NTNG1: variants seen among roughly 807,000 people sequenced by gnomAD.
The protein encoded by NTNG1 is netrin-G1.
In NTNG1, 16 loss-of-function variants were observed where a neutral mutation model predicts 54.0. The observed-to-expected ratio is 0.30, with a 90% CI of 0.20 to 0.45. NTNG1 has a LOEUF of 0.45. Among genes scored for constraint, NTNG1 ranks in the 20% least tolerant of loss-of-function variants. The pLI is 1.00. For synonymous variants in NTNG1, 255 were observed against 263.1 expected (o/e 0.97, Z 0.30); for missense variants, 530 against 678.7 (o/e 0.78, Z 2.43).
chr1:107,238,648 A>C lies in NTNG1; in HGVS notation c.247-85634A>C, dbSNP rs959321574. Among the ~76,000 whole-genome samples, 3 of 152,108 alleles carry C rather than the reference A, an allele frequency of 2.0e-5. No individual in the cohort carries two copies. The South Asian group carries it at 6.2e-4, about 32-fold the overall frequency. On this transcript the variant is annotated intron_variant, in intron 2 of 7. Transcript: ENST00000370068. ...TGTGAGCGTGAATGAGTCTCATGAA[A>C]TCTGATGGCTTTAAAAATGAGAGTT...
At chr1:107,202,652 T>C (rs562910610) in intron 2 of NTNG1, among the ~76,000 whole-genome samples, 1 of 152,100 alleles carries the variant, frequency 6.6e-6, no homozygotes, top group South Asian at 2.1e-4. Context: ...ACAATTATTT[T>C]TGTTTATTTT....
chr1:107,373,172 G>T (rs1000882433), intron 3 of NTNG1, among the ~76,000 whole-genome samples: 6 of 151,494 alleles, frequency 4.0e-5, no homozygotes, highest in African/African-American at 1.5e-4. Context: ...CTCTTTTTCT[G>T]CATTTGTTGG....
intron 2 of NTNG1, among the ~76,000 whole-genome samples, chr1:107,159,355 G>A (rs1355997669): frequency 1.3e-5 from 2 of 152,138 alleles, no homozygotes; most frequent in Non-Finnish European, 2.9e-5. Flanking sequence ...TGCCGAGCAT[G>A]GTGTGATGCA....
At chr1:107,437,663 TA>T (rs1252331101) in intron 7 of NTNG1, among the ~76,000 whole-genome samples, 1 of 152,134 alleles carries the variant, frequency 6.6e-6, no homozygotes, top group Non-Finnish European at 1.5e-5. Context: ...CTTTCCACAT[TA>T]AAAAAGTAAA....
At chr1:107,237,152 C>T (rs1661468232) in intron 2 of NTNG1, among the ~76,000 whole-genome samples, 1 of 152,060 alleles carries the variant, frequency 6.6e-6, no homozygotes, top group African/African-American at 2.4e-5. Flanking sequence ...CAGAGGTGGT[C>T]TTAGATGGAG....
At chr1:107,410,716 C>T (rs751628742) in intron 5 of NTNG1, 13 of 151,646 alleles carry the variant, frequency 8.6e-5, no homozygotes, top group African/African-American at 1.7e-4. Context: ...TTGTTGCTGC[C>T]GATAATCCAA....
chr1:107,286,726 C>T (rs1205991765), intron 2 of NTNG1, among the ~76,000 whole-genome samples: 1 of 152,070 alleles, frequency 6.6e-6, no homozygotes, highest in Non-Finnish European at 1.5e-5. Context: ...GCCTTTTATG[C>T]TATTTGTCTG....
chr1:107,202,811 T>A (rs779309528), intron 2 of NTNG1, among the ~76,000 whole-genome samples: 21 of 151,928 alleles, frequency 1.4e-4, no homozygotes, highest in Non-Finnish European at 3.1e-4. Flanking sequence ...TAGTCAGACC[T>A]CCTACTACCC....
Position 107,249,084 on chromosome 1 carries a change from G to A in NTNG1, c.247-75198G>A, listed in dbSNP as rs774379648. ...TGAGGCAGGAGAATCACTTGAACCC[G>A]GGAGGTGGGGGTTGCAGTAAGCCGA... On this transcript the variant is annotated intron_variant, in intron 2 of 7. Coordinates refer to ENST00000370068, the MANE Select transcript of NTNG1 (RefSeq NM_001113226.3). Among the ~76,000 whole-genome samples, 226 of 149,360 alleles carry A rather than the reference G, an allele frequency of 1.5e-3. 1 individual carries two copies. Among genetic ancestry groups the A allele is most frequent in the Middle Eastern group, 3.4e-3 (1 of 290 alleles).
intron 2 of NTNG1, among the ~76,000 whole-genome samples, chr1:107,181,645 TAAC>T (rs1297584053): frequency 2.0e-5 from 3 of 152,092 alleles, no homozygotes; most frequent in Non-Finnish European, 2.9e-5. Flanking sequence ...TGAAGGAAAA[TAAC>T]AACATTTTCA....
intron 1 of NTNG1, 184 bp downstream of exon 1, chr1:107,141,324 G>T (rs1653668977): frequency 6.6e-6 from 1 of 150,392 alleles, no homozygotes; most frequent in South Asian, 2.1e-4. Context: ...GGGAGCTGCC[G>T]CCCTCCGCCC....
chr1:107,336,471 A>T (rs1275612647), intron 3 of NTNG1, among the ~76,000 whole-genome samples: 3 of 152,002 alleles, frequency 2.0e-5, no homozygotes, highest in African/African-American at 7.2e-5. Flanking sequence ...ACAAAAACTA[A>T]TTCAAAATGC....
intron 2 of NTNG1, among the ~76,000 whole-genome samples, chr1:107,215,879 T>C (rs1455082791): frequency 6.6e-6 from 1 of 152,100 alleles, no homozygotes; most frequent in Non-Finnish European, 1.5e-5. Flanking sequence ...AGTATATTCC[T>C]AATAATTTAA....
intron 3 of NTNG1, among the ~76,000 whole-genome samples, chr1:107,362,043 A>T (rs1168021436): frequency 6.6e-6 from 1 of 152,120 alleles, no homozygotes. Context: ...AGCTCATCCC[A>T]TATCCAGCAC....
At chr1:107,327,716 A>T (rs1251410520) in intron 3 of NTNG1, among the ~76,000 whole-genome samples, 1 of 151,882 alleles carries the variant, frequency 6.6e-6, no homozygotes, top group Admixed American at 6.6e-5. Context: ...CCACCCCACC[A>T]TAATGTGGAA....
At chr1:107,347,072 T>G (rs1206948530) in intron 3 of NTNG1, among the ~76,000 whole-genome samples, 1 of 151,598 alleles carries the variant, frequency 6.6e-6, no homozygotes, top group Non-Finnish European at 1.5e-5. Context: ...ACAAAAATGG[T>G]CACAGTAAGG....
At chr1:107,402,507 G>A (rs1459431486) in intron 4 of NTNG1, among the ~76,000 whole-genome samples, 1 of 152,088 alleles carries the variant, frequency 6.6e-6, no homozygotes, top group Non-Finnish European at 1.5e-5. Flanking sequence ...TGTCACCTCT[G>A]TTGAGTCTGC....
intron 2 of NTNG1, among the ~76,000 whole-genome samples, chr1:107,212,124 G>A (rs1659636012): frequency 6.6e-6 from 1 of 152,138 alleles, no homozygotes; most frequent in Non-Finnish European, 1.5e-5. Flanking sequence ...ATGAGAACTA[G>A]AAGGTGTAGG....
chr1:107,229,295 T>C (rs1253709535), intron 2 of NTNG1, among the ~76,000 whole-genome samples: 1 of 149,990 alleles, frequency 6.7e-6, no homozygotes, highest in African/African-American at 2.5e-5. Flanking sequence ...CTCATCTGTA[T>C]ACACTTGATG....
Sources: gnomAD v4.1 joint callset for allele counts (sites outside exome capture counted in the v4.1 genomes callset) on GRCh38, gnomAD v4.1.1 for gene constraint, MANE v1.5 for transcripts, NCBI Gene and HGNC (gene_info 2026-07-23, HGNC 2026-07-21) for gene names.